The following GPRIN3 variants were observed in gnomAD, a reference collection of about 807,000 sequenced individuals.
GPRIN3 encodes GPRIN family member 3, also known as G protein-regulated inducer of neurite outgrowth 3.
A neutral mutation model predicts 13.7 loss-of-function variants in GPRIN3; 12 were observed. The ratio of observed to expected loss-of-function variants is 0.87; its 90% CI spans 0.56 to 1.42. The LOEUF is 1.42. GPRIN3 is among the 40% of genes most tolerant of loss of function. The pLI is 0.00. For missense variants in GPRIN3, 1,009 were observed against 958.7 expected (o/e 1.05, Z -0.69); for synonymous variants, 377 against 372.7 (o/e 1.01, Z -0.13).
chr4:89,250,045 T>G lies in GPRIN3; in HGVS notation c.66A>C (p.Glu22Asp). The change falls in exon 2 of 2, where the codon GAA (glutamate) becomes GAC (aspartate). Residue 22 changes from glutamate (E) to aspartate (D), a missense_variant. Transcript: ENST00000609438. ...KTSLIAASGK[E>D]DDLGEPQAAS... is the part of the protein sequence containing the mutation. The stretch of plus-strand genomic sequence containing the variant: ...CAGCCTGTGGCTCTCCTAGATCGTC[T>G]TCTTTTCCGGAAGCTGCAATCAGGG... 6.2e-7 allele frequency: 1 copy of G among 1,614,206 alleles called. No individual in the cohort carries two copies. Among genetic ancestry groups the G allele is most frequent in the Non-Finnish European group, 8.5e-7 (1 of 1,180,012 alleles).
rs1723289124 is a variant in GPRIN3 at position 89,250,194 on chromosome 4, G to T, written c.-84C>A. 1 of 1,523,696 alleles carries T rather than the reference G, an allele frequency of 6.6e-7. No individual in the cohort carries two copies. The highest frequency in any genetic ancestry group is 2.1e-5 in the Admixed American group (1 of 47,134). 94.4% of individuals were successfully genotyped at this position (1,523,696 alleles called of 1,614,324 possible). A position where few individuals can be genotyped will look rare whatever the true frequency, so the allele number is the denominator to read the frequency against. The stretch of plus-strand genomic sequence containing the variant: ...GAGGGGAGCGCAGTCAGAGCTCAGA[G>T]TGATGACACAGTCAGGGATGATTCC... On this transcript the variant is annotated 5_prime_UTR_variant, in exon 2 of 2. Transcript: ENST00000609438.
intron 1 of GPRIN3, among the ~76,000 whole-genome samples, chr4:89,292,330 T>C (rs994408852): frequency 6.6e-5 from 10 of 152,196 alleles, no homozygotes; most frequent in Admixed American, 6.5e-5. Context: ...AAGGGCTAAA[T>C]TGGAAAATAT....
intron 1 of GPRIN3, among the ~76,000 whole-genome samples, chr4:89,264,909 A>G (rs974259416): frequency 2.6e-5 from 4 of 152,200 alleles, no homozygotes; most frequent in Non-Finnish European, 5.9e-5. Context: ...GCAAGCTTCA[A>G]GGGGGCAAGA....
At chr4:89,255,216 G>A (rs1003698911) in intron 1 of GPRIN3, among the ~76,000 whole-genome samples, 1 of 151,808 alleles carries the variant, frequency 6.6e-6, no homozygotes, top group Non-Finnish European at 1.5e-5. Flanking sequence ...CTTTAGCTCT[G>A]TGTGCTTGGG....
intron 1 of GPRIN3, among the ~76,000 whole-genome samples, chr4:89,283,637 C>A (rs1468753678): frequency 1.3e-5 from 2 of 151,900 alleles, no homozygotes; most frequent in Non-Finnish European, 2.9e-5. Flanking sequence ...GTTATGAGTG[C>A]ACAATGCTGG....
At chr4:89,276,888 A>G (rs1258212975) in intron 1 of GPRIN3, among the ~76,000 whole-genome samples, 1 of 152,166 alleles carries the variant, frequency 6.6e-6, no homozygotes, top group Non-Finnish European at 1.5e-5. Context: ...TAATATTCCT[A>G]TATGGGGGTG....
chr4:89,304,048 C>G (rs997696110), intron 1 of GPRIN3, among the ~76,000 whole-genome samples: 10 of 152,112 alleles, frequency 6.6e-5, no homozygotes, highest in Non-Finnish European at 1.3e-4. Flanking sequence ...ATCAGCACCC[C>G]TTCCTCACTG....
In GPRIN3 at chr4:89,248,272, A is replaced by G. The variant is rs1475544717; in HGVS notation, c.1839T>C (p.Gly613=). Residue 613 remains glycine (G), a synonymous_variant, in exon 2 of 2, where the codon GGT becomes GGC. Transcript: ENST00000609438. ...TSLSLPSDPM[G]DSSPGSGKKT... ...TCTTGCCAGAACCTGGGCTGGAGTC[A>G]CCCATGGGATCAGATGGCAGGCTCA... 1 of 1,614,054 alleles carries G rather than the reference A, an allele frequency of 6.2e-7. No homozygotes were observed. Among genetic ancestry groups the G allele is most frequent in the Non-Finnish European group, 8.5e-7 (1 of 1,179,982 alleles).
chr4:89,284,245 G>T (rs1438201019), intron 1 of GPRIN3, among the ~76,000 whole-genome samples: 1 of 152,182 alleles, frequency 6.6e-6, no homozygotes, highest in Admixed American at 6.5e-5. Flanking sequence ...CAAATGAACG[G>T]CATGAACAGA....
intron 1 of GPRIN3, among the ~76,000 whole-genome samples, chr4:89,305,311 TCCA>T (rs955234782): frequency 1.3e-5 from 2 of 152,134 alleles, no homozygotes; most frequent in African/African-American, 4.8e-5. Flanking sequence ...CCTTATTCTC[TCCA>T]CCTCTACCCT....
chr4:89,272,372 T>C (rs183024983), intron 1 of GPRIN3, among the ~76,000 whole-genome samples: 1 of 152,314 alleles, frequency 6.6e-6, no homozygotes, highest in Admixed American at 6.5e-5. Context: ...CCATACCACA[T>C]ACATCTCTGC....
chr4:89,247,670 T>C lies in GPRIN3; in HGVS notation c.*110A>G. The C allele has an allele frequency of 9.2e-7, 1 of 1,091,044 alleles. No individual in the cohort carries two copies. Among genetic ancestry groups the C allele is most frequent in the Non-Finnish European group, 1.3e-6 (1 of 753,748 alleles). The allele number at this position is 1,091,044 out of a possible 1,614,324, so 67.6% of individuals were successfully genotyped here. ...TTTAATAGCAATTTCCTATAGTGAA[T>C]ACTTGCTTTTTCTTCCTAGTCTTGC... On this transcript the variant is annotated 3_prime_UTR_variant, in exon 2 of 2. Transcript: ENST00000609438.
Position 89,307,761 on chromosome 4 carries a change from G to C in GPRIN3, c.-270C>G, listed in dbSNP as rs1376976512. 3 of 152,348 alleles carry C rather than the reference G, an allele frequency of 2.0e-5. No homozygotes were observed. The highest frequency in any genetic ancestry group is 4.4e-5 in the Non-Finnish European group (3 of 68,170). The allele number at this position is 152,348 out of a possible 1,614,324, so 9.4% of individuals were successfully genotyped here. Reference sequence around the variant, plus strand: ...CTGAGGTCCTTCTCAGCCCGGTCCCGGAGCGAGCTCCGTGCGTTCAGGAAC... The same window carrying C: ...CTGAGGTCCTTCTCAGCCCGGTCCCCGAGCGAGCTCCGTGCGTTCAGGAAC... On this transcript the variant is annotated 5_prime_UTR_variant, in exon 1 of 2. Transcript: ENST00000609438.
intron 1 of GPRIN3, among the ~76,000 whole-genome samples, chr4:89,270,597 ATAT>A (rs1723921193): frequency 7.8e-6 from 1 of 128,654 alleles, no homozygotes; most frequent in Non-Finnish European, 1.6e-5. Flanking sequence ...ATATATATAT[ATAT>A]AAAATATAGA....
chr4:89,249,180 C>G lies in GPRIN3; in HGVS notation c.931G>C (p.Glu311Gln). 1 of 1,614,224 alleles carries G rather than the reference C, an allele frequency of 6.2e-7. No individual in the cohort carries two copies. The highest frequency in any genetic ancestry group is 8.5e-7 in the Non-Finnish European group (1 of 1,180,026). ...MTNQAESEIK[E>Q]VPSRAWQDAE... is the part of the protein sequence containing the mutation. ...TCTTGCCAAGCCCTGCTGGGAACTT[C>G]CTTGATTTCACTTTCAGCTTGGTTG... The change falls in exon 2 of 2, where the codon GAA (glutamate) becomes CAA (glutamine). Residue 311 changes from glutamate (E) to glutamine (Q), a missense_variant. Glu to Gln is a conservative substitution (Grantham distance 29). Transcript: ENST00000609438.
chr4:89,283,256 C>T (rs2149280426), intron 1 of GPRIN3, among the ~76,000 whole-genome samples: 1 of 152,278 alleles, frequency 6.6e-6, no homozygotes, highest in South Asian at 2.1e-4. Context: ...ACACAATGTG[C>T]CAGGCCTGTG....
chr4:89,292,792 ACTT>A (rs1334038253), intron 1 of GPRIN3, among the ~76,000 whole-genome samples: 2 of 152,248 alleles, frequency 1.3e-5, no homozygotes, highest in Admixed American at 1.3e-4. Flanking sequence ...GGGGGAGGCA[ACTT>A]CTTAACTGAA....
chr4:89,263,770 T>A (rs541185001), intron 1 of GPRIN3, among the ~76,000 whole-genome samples: 1 of 152,172 alleles, frequency 6.6e-6, no homozygotes, highest in Non-Finnish European at 1.5e-5. Flanking sequence ...ATTTTACAGA[T>A]GAGGAAACTG....
rs141289494 is a variant in GPRIN3 at position 89,249,964 on chromosome 4, A to T, written c.147T>A (p.Gly49=). The T allele has an allele frequency of 8.1e-6, 13 of 1,614,208 alleles. No homozygotes were observed. The highest frequency in any genetic ancestry group is 1.0e-5 in the Non-Finnish European group (12 of 1,180,010). Residue 49 remains glycine (G), a synonymous_variant, in exon 2 of 2, where the codon GGT becomes GGA. Transcript: ENST00000609438. ...LLCKNANGFS[G]APAEPDLSPR... is the part of the protein sequence containing the mutation. ...GGCTGAGGTCTGGTTCTGCAGGGGC[A>T]CCTGAAAAGCCATTGGCATTCTTAC...
Sources: allele counts gnomAD v4.1 joint callset (sites outside exome capture counted in the v4.1 genomes callset), GRCh38; gene constraint gnomAD v4.1.1; transcripts MANE v1.5; gene names NCBI Gene and HGNC (gene_info 2026-07-23, HGNC 2026-07-21).